The following RABEP1 variants were observed in gnomAD, a reference collection of about 807,000 sequenced individuals.
RABEP1 encodes the protein rab GTPase-binding effector protein 1.
A neutral mutation model predicts 123.4 loss-of-function variants in RABEP1; 51 were observed. The observed-to-expected ratio is 0.41, with a 90% CI of 0.33 to 0.52. The LOEUF (loss-of-function observed/expected upper bound fraction) is 0.52, where lower values mean the gene tolerates loss of function less well. Ranked by LOEUF, RABEP1 falls within the 20% of genes least tolerant of loss-of-function variation. The pLI, the probability that RABEP1 is intolerant of heterozygous loss-of-function variation, is 0.16. For synonymous variants in RABEP1, 347 were observed against 355.2 expected, an observed-to-expected ratio of 0.98 and a Z score of 0.26; for missense variants, 888 against 996.3, an observed-to-expected ratio of 0.89 and a Z score of 1.46.
rs2144752849 is a variant in RABEP1, at chr17:5,385,619, G to A, written c.*2396G>A. 4.3e-6 allele frequency: 1 copy of A among 230,972 alleles called. No homozygotes were observed. Among genetic ancestry groups the A allele is most frequent in the South Asian group, 1.8e-4 (1 of 5,506 alleles). The allele number at this position is 230,972 out of a possible 1,614,324, so 14.3% of individuals were successfully genotyped here. ...CATGTCCACTCAGTAACAAGTATTG[G>A]GACGTAGAGCACAGCCTCACTCAGC... is the stretch of plus-strand genomic sequence containing the variant. On this transcript the variant is annotated 3_prime_UTR_variant, in exon 18 of 18. Transcript: ENST00000537505.
rs1185209680 is a variant in RABEP1 at position 5,294,633 on chromosome 17, C to CTTTTTTTTTTTTTTTTTTTT, written c.34+12126_34+12145dup. Reference sequence around the variant, plus strand: ...AGATACTGAGGGAAAACGGTATTGTCTTTTTTTTTTTTTTTTTTTTTTTTT... The same window carrying CTTTTTTTTTTTTTTTTTTTT: ...AGATACTGAGGGAAAACGGTATTGTCTTTTTTTTTTTTTTTTTTTTTTTTTTTTTTTTTTTTTTTTTTTTT... On this transcript the variant is annotated intron_variant, in intron 1 of 17. Transcript: ENST00000537505. 1.7e-4 allele frequency among the ~76,000 whole-genome samples: 9 copies of CTTTTTTTTTTTTTTTTTTTT among 53,028 alleles called. 3 individuals carry two copies. Among genetic ancestry groups the CTTTTTTTTTTTTTTTTTTTT allele is most frequent in the Non-Finnish European group, 3.1e-4 (9 of 29,088 alleles). 34.8% of individuals were successfully genotyped at this position (53,028 alleles called of 152,430 possible).
At chr17:5,318,626 C>T (rs965319843) in intron 2 of RABEP1, among the ~76,000 whole-genome samples, 3 of 152,122 alleles carry the variant, frequency 2.0e-5, no homozygotes, top group Non-Finnish European at 2.9e-5. Context: ...GAAACTATAC[C>T]ATGAGTTATA....
chr17:5,336,940 C>T (rs754792925), intron 4 of RABEP1, among the ~76,000 whole-genome samples: 14 of 152,166 alleles, frequency 9.2e-5, no homozygotes, highest in Admixed American at 2.0e-4. Flanking sequence ...TTTTCCCTAT[C>T]GTGCACAACT....
At chr17:5,343,898 A>T (rs1278872596) in intron 5 of RABEP1, among the ~76,000 whole-genome samples, 1 of 151,372 alleles carries the variant, frequency 6.6e-6, no homozygotes, top group African/African-American at 2.4e-5. Flanking sequence ...CTGGTCTCGA[A>T]CCCCTGACCT....
intron 15 of RABEP1, among the ~76,000 whole-genome samples, chr17:5,379,098 G>C (rs1009774155): frequency 6.6e-6 from 1 of 152,126 alleles, no homozygotes; most frequent in Admixed American, 6.6e-5. Flanking sequence ...GTCCTAAGTT[G>C]CGTCTCTTCC....
chr17:5,338,141 T>C lies in RABEP1; in HGVS notation c.648+3T>C. 6.2e-7 allele frequency: 1 copy of C among 1,609,586 alleles called. No individual in the cohort carries two copies. The highest frequency in any genetic ancestry group is 8.5e-7 in the Non-Finnish European group (1 of 1,178,118). ...TTAAAGAGCTGGAGGCCTCAAAGGT[T>C]ATGAAACATTGTAATCCATTTGCTT... On this transcript the variant is annotated splice_donor_region_variant and intron_variant, in intron 5 of 17. Transcript: ENST00000537505.
intron 11 of RABEP1, 117 bp downstream of exon 11, chr17:5,365,355 CCT>C: frequency 1.6e-6 from 1 of 620,074 alleles, no homozygotes; most frequent in Admixed American, 3.5e-5. Flanking sequence ...TTTTATTTTC[CCT>C]CAGGTAAAAA....
rs375335218 is a variant in RABEP1, at chr17:5,308,445, C to T, written c.35-249C>T. Among the ~76,000 whole-genome samples the T allele has an allele frequency of 1.5e-3, 222 of 152,234 alleles. 4 individuals are homozygous for T. The East Asian group carries it at 0.038, about 26-fold the overall frequency. ...TTCTCCATGTCGGCCAGGCTGGTCTCGAACTCCTGACCTCGGGTGATCCGC... is the reference window on the plus strand; with the variant it reads ...TTCTCCATGTCGGCCAGGCTGGTCTTGAACTCCTGACCTCGGGTGATCCGC... On this transcript the variant is annotated intron_variant, in intron 1 of 17. Coordinates refer to ENST00000537505, the MANE Select transcript of RABEP1 (RefSeq NM_004703.6).
chr17:5,361,153 T>G lies in RABEP1; in HGVS notation c.1096-55T>G, dbSNP rs1909493207. The G allele has an allele frequency of 9.6e-6, 14 of 1,462,024 alleles. No homozygotes were observed. The South Asian group carries it at 1.8e-4, about 19-fold the overall frequency. The allele number at this position is 1,462,024 out of a possible 1,614,324, so 90.6% of individuals were successfully genotyped here. The stretch of plus-strand genomic sequence containing the variant: ...CGGAATACATTTATTATAGTTTTTG[T>G]CTTTAAAAACGCAGAGAATTGTCTA... On this transcript the variant is annotated intron_variant, in intron 8 of 17. Coordinates refer to ENST00000537505, the MANE Select transcript of RABEP1 (RefSeq NM_004703.6).
At chr17:5,367,648 T>C (rs1050013247) in intron 11 of RABEP1, among the ~76,000 whole-genome samples, 4 of 151,288 alleles carry the variant, frequency 2.6e-5, no homozygotes, top group African/African-American at 7.3e-5. Context: ...CTTTCCCCCA[T>C]TGCTCTGTGT....
In RABEP1 at chr17:5,350,442, C is replaced by A. The variant is rs755716937; in HGVS notation, c.785-9C>A. 3.7e-6 allele frequency: 6 copies of A among 1,604,080 alleles called. No homozygotes were observed. Among genetic ancestry groups the A allele is most frequent in the Non-Finnish European group, 5.1e-6 (6 of 1,176,726 alleles). On this transcript the variant is annotated splice_polypyrimidine_tract_variant and intron_variant, in intron 6 of 17. Coordinates refer to ENST00000537505, the MANE Select transcript of RABEP1 (RefSeq NM_004703.6). ...GTTTTTGATTTGTGGTGGGGGGGTT[C>A]CTAAACAGTTTGCCATCTCTTGGAG...
chr17:5,342,526 C>T (rs1032201094), intron 5 of RABEP1, among the ~76,000 whole-genome samples: 10 of 152,116 alleles, frequency 6.6e-5, no homozygotes, highest in Non-Finnish European at 1.0e-4. Flanking sequence ...TAGTGCCAAT[C>T]TCTCAGGAGG....
At chr17:5,286,646 T>A (rs1490254410) in intron 1 of RABEP1, among the ~76,000 whole-genome samples, 1 of 152,194 alleles carries the variant, frequency 6.6e-6, no homozygotes, top group Non-Finnish European at 1.5e-5. Context: ...AATTAGATAA[T>A]CCTATAGACA....
intron 6 of RABEP1, among the ~76,000 whole-genome samples, chr17:5,349,943 C>T (rs976585438): frequency 6.6e-6 from 1 of 152,102 alleles, no homozygotes; most frequent in African/African-American, 2.4e-5. Context: ...TCTTTCTTTG[C>T]TGTATTCCTA....
chr17:5,306,376 G>A (rs547554373), intron 1 of RABEP1, among the ~76,000 whole-genome samples: 3 of 152,094 alleles, frequency 2.0e-5, no homozygotes, highest in East Asian at 1.9e-4. Context: ...GCCTGTGATC[G>A]CAGCACTTTG....
In RABEP1 at chr17:5,350,480, C is replaced by A; in HGVS notation, c.814C>A (p.Gln272Lys). ...CCATCTCTTGGAGCAAGAGCGACAA[C>A]AACACAACCAGTTAAAACATACGTG... Reference protein sequence around the residue: ...VCHLLEQERQQHNQLKHTWQK... With the variant: ...VCHLLEQERQKHNQLKHTWQK... Residue 272 changes from glutamine (Q) to lysine (K), a missense_variant, in exon 7 of 18, where the codon CAA (glutamine) becomes AAA (lysine). By Grantham distance (53) the Gln-to-Lys change is moderately conservative (BLOSUM62 1). Coordinates refer to ENST00000537505, the MANE Select transcript of RABEP1 (RefSeq NM_004703.6). 1.2e-6 allele frequency: 2 copies of A among 1,613,878 alleles called. No individual in the cohort carries two copies. Among genetic ancestry groups the A allele is most frequent in the Non-Finnish European group, 1.7e-6 (2 of 1,179,940 alleles).
At chr17:5,372,748 G>A (rs1197174461) in intron 12 of RABEP1, among the ~76,000 whole-genome samples, 1 of 146,426 alleles carries the variant, frequency 6.8e-6, no homozygotes, top group Non-Finnish European at 1.5e-5. Context: ...GGATATGGAG[G>A]GAAAATATTA....
chr17:5,302,548 C>T (rs997307393), intron 1 of RABEP1, among the ~76,000 whole-genome samples: 6 of 150,676 alleles, frequency 4.0e-5, no homozygotes, highest in Non-Finnish European at 8.9e-5. Flanking sequence ...GCCAGCTTAC[C>T]TTAGTCTATA....
intron 15 of RABEP1, chr17:5,378,778 C>T (rs1400938071): frequency 6.0e-6 from 1 of 167,646 alleles, no homozygotes; most frequent in Non-Finnish European, 1.3e-5. Flanking sequence ...ATCCTTCCAG[C>T]TCTTCCATCG....
Sources: allele counts gnomAD v4.1 joint callset (sites outside exome capture counted in the v4.1 genomes callset), GRCh38; gene constraint gnomAD v4.1.1; transcripts MANE v1.5; gene names NCBI Gene and HGNC (gene_info 2026-07-23, HGNC 2026-07-21).